Variants in ROBO2 observed in about 807,000 individuals in gnomAD.
The protein encoded by ROBO2 is roundabout guidance receptor 2, also known as roundabout homolog 2.
Under a neutral mutation model 160.8 loss-of-function variants are expected in ROBO2, and 53 were observed. The ratio of observed to expected loss-of-function variants is 0.33; its 90% CI spans 0.26 to 0.41. The LOEUF (loss-of-function observed/expected upper bound fraction) is 0.41, where lower values mean the gene tolerates loss of function less well. Among genes scored for constraint, ROBO2 ranks in the 10% least tolerant of loss-of-function variants. The probability of loss-of-function intolerance (pLI) is 1.00; values close to 1 mark genes in which losing one functional copy is unlikely to be tolerated. For synonymous variants in ROBO2, 664 were observed against 611.7 expected, an observed-to-expected ratio of 1.09 and a Z score of -1.26; for missense variants, 1,577 against 1,722.4, an observed-to-expected ratio of 0.92 and a Z score of 1.49.
chr3:77,136,216 ATAAT>A (rs1560086677), intron 2 of ROBO2, among the ~76,000 whole-genome samples: 1 of 152,224 alleles, frequency 6.6e-6, no homozygotes, highest in African/African-American at 2.4e-5. Flanking sequence ...AGGCAGTAAG[ATAAT>A]TAAGGAGACA....
intron 2 of ROBO2, among the ~76,000 whole-genome samples, chr3:76,044,966 T>C (rs2067403121): frequency 1.3e-5 from 2 of 152,016 alleles, no homozygotes; most frequent in Non-Finnish European, 2.9e-5. Flanking sequence ...GAAAAACTGA[T>C]AGGGGCCAAG....
chr3:77,258,641 G>GA (rs5850319), intron 2 of ROBO2, among the ~76,000 whole-genome samples: 17 of 147,814 alleles, frequency 1.2e-4, no homozygotes, highest in Admixed American at 1.3e-4. Context: ...AAAAAAGGAA[G>GA]AAAAAAAAAG....
chr3:76,162,210 A>G (rs1328105827), intron 2 of ROBO2, among the ~76,000 whole-genome samples: 1 of 152,218 alleles, frequency 6.6e-6, no homozygotes, highest in East Asian at 1.9e-4. Flanking sequence ...CAAGTAACAT[A>G]CTGTCCATAC....
rs374530126 is a variant in ROBO2, at chr3:75,925,235, A to G, written c.-13-12246A>G. ...TGGTGAAACCCCATCTCTACAAAAA[A>G]TACAAAAACTAGGCAGACGTGGTGG... On this transcript the variant is annotated intron_variant, in intron 1 of 26. Coordinates refer to the ROBO2 transcript ENST00000487694. Among the ~76,000 whole-genome samples, 4 of 152,076 alleles carry G rather than the reference A, an allele frequency of 2.6e-5. No homozygotes were observed. In the East Asian group the frequency reaches 5.9e-4, roughly 23 times the overall value.
Position 76,835,331 on chromosome 3 carries a change from G to GGAAAC in ROBO2, c.110-262682_110-262678dup, listed in dbSNP as rs1419852442. Among the ~76,000 whole-genome samples the GGAAAC allele has an allele frequency of 1.6e-3, 236 of 148,896 alleles. 5 individuals are homozygous for GGAAAC. Among genetic ancestry groups the GGAAAC allele is most frequent in the Non-Finnish European group, 2.8e-4 (19 of 67,280 alleles). The stretch of plus-strand genomic sequence containing the variant: ...ACAATGTGTTATTTTTAAAATAAAG[G>GGAAAC]GAAACCTCTGTGAATATATATGCAC... On this transcript the variant is annotated intron_variant, in intron 2 of 26. Coordinates refer to the ROBO2 transcript ENST00000487694.
intron 2 of ROBO2, among the ~76,000 whole-genome samples, chr3:77,343,868 T>C (rs9832713): frequency 0.43 from 65,096 of 151,920 alleles, 14,913 homozygotes; most frequent in East Asian, 0.71. Context: ...CTGCAAACCA[T>C]TTATGCTGAA....
intron 2 of ROBO2, among the ~76,000 whole-genome samples, chr3:77,384,786 T>C: frequency 6.6e-6 from 1 of 152,214 alleles, no homozygotes; most frequent in Admixed American, 6.5e-5. Context: ...GAATTTGTGT[T>C]AATGAGAATT....
intron 16 of ROBO2, among the ~76,000 whole-genome samples, chr3:77,585,726 T>C: frequency 6.6e-6 from 1 of 152,080 alleles, no homozygotes; most frequent in Non-Finnish European, 1.5e-5. Flanking sequence ...GCCTTCTAAT[T>C]GTTTCTTTAA....
At chr3:76,390,559 C>T (rs3913580) in intron 2 of ROBO2, among the ~76,000 whole-genome samples, 7,624 of 152,142 alleles carry the variant, frequency 0.05, 503 homozygotes, top group African/African-American at 0.15. Context: ...ATTAAAGTTT[C>T]ATTACTCTGA....
intron 2 of ROBO2, among the ~76,000 whole-genome samples, chr3:77,460,019 CTCTG>C (rs1481171883): frequency 6.6e-6 from 1 of 151,892 alleles, no homozygotes; most frequent in African/African-American, 2.4e-5. Flanking sequence ...GAAGAGGTTC[CTCTG>C]TCTGCTGCAG....
intron 2 of ROBO2, among the ~76,000 whole-genome samples, chr3:76,283,136 G>GTA (rs547807116): frequency 0.094 from 5,967 of 63,518 alleles, 945 homozygotes; most frequent in African/African-American, 0.21. Context: ...ATATAAAACT[G>GTA]TATATATATA....
At chr3:76,396,176 A>G (rs1279374394) in intron 2 of ROBO2, among the ~76,000 whole-genome samples, 3 of 152,172 alleles carry the variant, frequency 2.0e-5, no homozygotes, top group Admixed American at 6.5e-5. Context: ...ATATATGCAA[A>G]TCAATAAATG....
intron 2 of ROBO2, among the ~76,000 whole-genome samples, chr3:77,234,515 T>A (rs946879868): frequency 3.3e-5 from 5 of 152,236 alleles, no homozygotes; most frequent in Admixed American, 6.5e-5. Context: ...ATCTGCTTTT[T>A]TTTCAGCAAT....
At chr3:76,618,786 A>T (rs2088806801) in intron 2 of ROBO2, among the ~76,000 whole-genome samples, 1 of 151,800 alleles carries the variant, frequency 6.6e-6, no homozygotes, top group Admixed American at 6.5e-5. Flanking sequence ...GGATACTTTC[A>T]CTAGATAGCT....
Position 77,188,970 on chromosome 3 carries a change from A to T in ROBO2, c.388+90630A>T, listed in dbSNP as rs199570218. ...AATCTTGTGTGTGTGTGTGTGTGTG[A>T]GAGAGAGAGAGAGAGAGAGAGAGAA... On this transcript the variant is annotated intron_variant, in intron 2 of 25. Transcript: ENST00000461745. Among the ~76,000 whole-genome samples, 829 of 111,282 alleles carry T rather than the reference A, an allele frequency of 7.4e-3. 2 individuals carry two copies. Among genetic ancestry groups the T allele is most frequent in the South Asian group, 0.015 (56 of 3,696 alleles). The allele number at this position is 111,282 out of a possible 152,430, so 73.0% of individuals were successfully genotyped here. A position where few individuals can be genotyped will look rare whatever the true frequency, so the allele number is the denominator to read the frequency against.
intron 2 of ROBO2, among the ~76,000 whole-genome samples, chr3:76,488,108 A>T (rs1467566156): frequency 2.0e-5 from 3 of 152,196 alleles, no homozygotes; most frequent in Admixed American, 6.5e-5. Context: ...TTCTGCCTCA[A>T]AGTGAAAGGG....
intron 2 of ROBO2, among the ~76,000 whole-genome samples, chr3:76,914,223 TCC>T (rs917153911): frequency 8.5e-5 from 13 of 152,178 alleles, no homozygotes; most frequent in African/African-American, 2.7e-4. Flanking sequence ...GAGAGGGTAT[TCC>T]TCTCAGATTA....
intron 2 of ROBO2, among the ~76,000 whole-genome samples, chr3:76,258,023 T>C (rs916640623): frequency 6.6e-6 from 1 of 152,148 alleles, no homozygotes; most frequent in Non-Finnish European, 1.5e-5. Context: ...TGTTTTTTTC[T>C]CTCATCATCC....
At chr3:76,352,352 T>G (rs949392798) in intron 2 of ROBO2, among the ~76,000 whole-genome samples, 23 of 152,024 alleles carry the variant, frequency 1.5e-4, no homozygotes, top group Admixed American at 1.3e-3. Flanking sequence ...CTGGTTTTCC[T>G]CCACAACCCT....
Sources: allele counts gnomAD v4.1 joint callset (sites outside exome capture counted in the v4.1 genomes callset), GRCh38; gene constraint gnomAD v4.1.1; transcripts MANE v1.5; gene names NCBI Gene and HGNC (gene_info 2026-07-23, HGNC 2026-07-21).